The following PIK3C2G variants were observed in gnomAD, a reference collection of about 807,000 sequenced individuals.
PIK3C2G encodes the protein phosphatidylinositol-4-phosphate 3-kinase catalytic subunit type 2 gamma, also known as phosphatidylinositol 3-kinase C2 domain-containing subunit gamma.
Under a neutral mutation model 181.1 loss-of-function variants are expected in PIK3C2G, and 168 were observed. The ratio of observed to expected loss-of-function variants is 0.93; its 90% CI spans 0.82 to 1.05. The LOEUF (loss-of-function observed/expected upper bound fraction) is 1.05, where lower values mean the gene tolerates loss of function less well. PIK3C2G is among the 50% of genes least tolerant of loss of function. The pLI, the probability that PIK3C2G is intolerant of heterozygous loss-of-function variation, is 0.00. For synonymous variants in PIK3C2G, 573 were observed against 592.2 expected (o/e 0.97, Z 0.47); for missense variants, 1,869 against 1,732.8 (o/e 1.08, Z -1.40).
chr12:18,676,606 T>A, the PIK3C2G span, among the ~76,000 whole-genome samples: 1 of 152,158 alleles, frequency 6.6e-6, no homozygotes, highest in Non-Finnish European at 1.5e-5. Flanking sequence ...GACTCTGTTG[T>A]AGACTACAAA....
chr12:18,605,550 A>C (rs1947973134), intron 30 of PIK3C2G, among the ~76,000 whole-genome samples: 1 of 152,148 alleles, frequency 6.6e-6, no homozygotes, highest in Non-Finnish European at 1.5e-5. Flanking sequence ...GCATTATGCT[A>C]ATACCAAAAC....
intron 2 of PIK3C2G, among the ~76,000 whole-genome samples, chr12:18,284,458 A>G (rs1484801398): frequency 6.6e-6 from 1 of 152,140 alleles, no homozygotes; most frequent in Admixed American, 6.5e-5. Flanking sequence ...AATTCAACAT[A>G]AAATAAAAAT....
intron 16 of PIK3C2G, among the ~76,000 whole-genome samples, chr12:18,411,629 T>G (rs1035346566): frequency 6.6e-6 from 1 of 152,206 alleles, no homozygotes; most frequent in Non-Finnish European, 1.5e-5. Flanking sequence ...AGACTCAAAA[T>G]CTGTTGGAGA....
At chr12:18,493,429 G>A (rs1045312407) in intron 20 of PIK3C2G, 1 of 152,242 alleles carries the variant, frequency 6.6e-6, no homozygotes, top group Non-Finnish European at 1.5e-5. Context: ...CTATAAATAT[G>A]ATAAGCATGG....
At chr12:18,293,080 G>C (rs1949781900) in intron 4 of PIK3C2G, among the ~76,000 whole-genome samples, 1 of 152,050 alleles carries the variant, frequency 6.6e-6, no homozygotes, top group East Asian at 1.9e-4. Flanking sequence ...TAGAGTAATT[G>C]CTCCGTAAAA....
chr12:18,348,071 T>G (rs1207653396), intron 11 of PIK3C2G, among the ~76,000 whole-genome samples: 4 of 152,006 alleles, frequency 2.6e-5, no homozygotes, highest in Non-Finnish European at 5.9e-5. Context: ...TCTTTTAATT[T>G]TCTAACCATC....
chr12:18,345,303 A>G (rs920876319), intron 10 of PIK3C2G, among the ~76,000 whole-genome samples: 1 of 152,104 alleles, frequency 6.6e-6, no homozygotes, highest in Non-Finnish European at 1.5e-5. Context: ...ATTAATTGCT[A>G]CTGCTGACTT....
At chr12:18,357,584 AT>A (rs773198013) in intron 11 of PIK3C2G, among the ~76,000 whole-genome samples, 6 of 152,228 alleles carry the variant, frequency 3.9e-5, no homozygotes, top group Non-Finnish European at 8.8e-5. Context: ...GTGCTAAATA[AT>A]TTATGTTTAC....
At chr12:18,438,532 A>G (rs1054011536) in intron 18 of PIK3C2G, among the ~76,000 whole-genome samples, 12 of 151,862 alleles carry the variant, frequency 7.9e-5, no homozygotes, top group African/African-American at 2.4e-5. Context: ...TTCAAATATT[A>G]CTTCATTAAC....
intron 1 of PIK3C2G, among the ~76,000 whole-genome samples, chr12:18,256,033 T>C (rs1447140741): frequency 1.3e-5 from 2 of 152,196 alleles, no homozygotes; most frequent in Non-Finnish European, 2.9e-5. Context: ...AAACATTGTT[T>C]TGGTGTAATG....
intron 5 of PIK3C2G, among the ~76,000 whole-genome samples, chr12:18,306,879 CAT>C (rs1307820820): frequency 2.0e-5 from 3 of 151,766 alleles, no homozygotes; most frequent in African/African-American, 7.3e-5. Context: ...ATTTTCTATA[CAT>C]GAGTTTAATA....
chr12:18,590,452 A>G (rs1947019117), intron 29 of PIK3C2G, among the ~76,000 whole-genome samples: 1 of 151,932 alleles, frequency 6.6e-6, no homozygotes, highest in Non-Finnish European at 1.5e-5. Context: ...GTAACCCTAC[A>G]TATGGGGAAC....
chr12:18,521,384 G>A (rs776589815), intron 24 of PIK3C2G, among the ~76,000 whole-genome samples: 2 of 152,212 alleles, frequency 1.3e-5, no homozygotes, highest in Non-Finnish European at 2.9e-5. Flanking sequence ...CGAATCTGTG[G>A]CTACCCGTCC....
chr12:18,371,269 C>A lies in PIK3C2G; in HGVS notation c.1838C>A (p.Ala613Glu). ...GGGATTGCCTGTGCAACCAACAATG[C>A]AAATTTACTGGCGTGGACTTGTCTT... is the stretch of plus-strand genomic sequence containing the variant. ...LFGIACATNN[A>E]NLLAWTCLPL... The change falls in exon 13 of 33, where the codon GCA becomes GAA. Residue 613 changes from alanine (A) to glutamate (E), a missense_variant. Coordinates refer to ENST00000538779, the MANE Select transcript of PIK3C2G (RefSeq NM_001288772.2). The A allele has an allele frequency of 6.2e-7, 1 of 1,612,206 alleles. No homozygotes were observed. The highest frequency in any genetic ancestry group is 2.2e-5 in the East Asian group (1 of 44,782).
At chr12:18,404,335 TACAG>T (rs888568587) in intron 16 of PIK3C2G, among the ~76,000 whole-genome samples, 10 of 152,126 alleles carry the variant, frequency 6.6e-5, no homozygotes, top group African/African-American at 2.4e-4. Flanking sequence ...AAAATATGTG[TACAG>T]ACAAATTGGT....
intron 25 of PIK3C2G, among the ~76,000 whole-genome samples, 161 bp downstream of exon 25, chr12:18,538,473 T>A (rs1943980609): frequency 1.3e-5 from 2 of 151,982 alleles, no homozygotes; most frequent in African/African-American, 4.8e-5. Context: ...TAAACGTATT[T>A]CTTAATAATT....
intron 17 of PIK3C2G, among the ~76,000 whole-genome samples, chr12:18,421,363 A>G (rs998531142): frequency 6.6e-6 from 1 of 152,024 alleles, no homozygotes; most frequent in African/African-American, 2.4e-5. Context: ...GTAGAAAATA[A>G]TCATTTGCTA....
chr12:18,546,188 G>A (rs560266805), intron 25 of PIK3C2G, 135 bp from the exon 26 acceptor site: 24 of 599,398 alleles, frequency 4.0e-5, no homozygotes, highest in East Asian at 8.5e-5. Context: ...ATATGCATTC[G>A]TGTATATAAA....
chr12:18,498,865 T>C (rs1941212675), intron 22 of PIK3C2G, among the ~76,000 whole-genome samples: 1 of 152,226 alleles, frequency 6.6e-6, no homozygotes, highest in South Asian at 2.1e-4. Context: ...CCTACAACAG[T>C]CATTTATCCT....
Sources: gnomAD v4.1 joint callset for allele counts (sites outside exome capture counted in the v4.1 genomes callset) on GRCh38, gnomAD v4.1.1 for gene constraint, MANE v1.5 for transcripts, NCBI Gene and HGNC (gene_info 2026-07-23, HGNC 2026-07-21) for gene names.